The following DLC1 variants were observed in gnomAD, a reference collection of about 807,000 sequenced individuals.
DLC1 encodes the protein rho GTPase-activating protein 7.
Under a neutral mutation model 140.3 loss-of-function variants are expected in DLC1, and 54 were observed. The observed-to-expected ratio is 0.38, with a 90% CI of 0.31 to 0.48. The LOEUF (loss-of-function observed/expected upper bound fraction) is 0.48, where lower values mean the gene tolerates loss of function less well. Ranked by LOEUF, DLC1 falls within the 20% of genes least tolerant of loss-of-function variation. The probability of loss-of-function intolerance (pLI) is 0.96; values close to 1 mark genes in which losing one functional copy is unlikely to be tolerated. For synonymous variants in DLC1, 986 were observed against 728.1 expected, an observed-to-expected ratio of 1.35 and a Z score of -5.70; for missense variants, 2,536 against 1,907.0, an observed-to-expected ratio of 1.33 and a Z score of -6.14.
intron 4 of DLC1, among the ~76,000 whole-genome samples, chr8:13,356,759 C>T (rs1834958976): frequency 6.6e-6 from 1 of 152,170 alleles, no homozygotes; most frequent in African/African-American, 2.4e-5. Flanking sequence ...TAATAAATTA[C>T]ACATCAATAA....
At chr8:13,281,324 C>T (rs563967727) in intron 5 of DLC1, among the ~76,000 whole-genome samples, 38 of 152,276 alleles carry the variant, frequency 2.5e-4, no homozygotes, top group African/African-American at 8.9e-4. Context: ...AGGGTCAAAT[C>T]AAGGTGGCTT....
At chr8:13,280,836 T>C (rs1831340528) in intron 5 of DLC1, among the ~76,000 whole-genome samples, 1 of 152,218 alleles carries the variant, frequency 6.6e-6, no homozygotes, top group Non-Finnish European at 1.5e-5. Flanking sequence ...TAAGAGTTAA[T>C]ACCGTGTTTG....
At chr8:13,102,909 G>C in intron 7 of DLC1, 56 bp from the exon 8 acceptor site, 1 of 1,418,704 alleles carries the variant, frequency 7.0e-7, no homozygotes, top group Non-Finnish European at 9.9e-7. Context: ...CTAATGAGTG[G>C]ATAAACACCT....
At chr8:13,460,481 A>C (rs139403278) in intron 2 of DLC1, among the ~76,000 whole-genome samples, 1 of 152,344 alleles carries the variant, frequency 6.6e-6, no homozygotes, top group African/African-American at 2.4e-5. Context: ...AAGGCAAATA[A>C]AAATCCATCT....
intron 4 of DLC1, among the ~76,000 whole-genome samples, chr8:13,380,096 C>A (rs66757903): frequency 6.6e-6 from 1 of 152,002 alleles, no homozygotes; most frequent in Non-Finnish European, 1.5e-5. Context: ...TCCTCACCAC[C>A]ACTCCCATAA....
intron 5 of DLC1, among the ~76,000 whole-genome samples, chr8:13,238,348 C>A (rs2117229110): frequency 6.6e-6 from 1 of 152,056 alleles, no homozygotes; most frequent in African/African-American, 2.4e-5. Context: ...CCCGTCTCTA[C>A]AAATAAACAC....
intron 7 of DLC1, among the ~76,000 whole-genome samples, chr8:13,108,133 G>A (rs889949886): frequency 1.1e-4 from 16 of 152,126 alleles, no homozygotes; most frequent in Admixed American, 6.6e-4. Context: ...TAGGCCTCTC[G>A]AAAGGGGCAT....
At chr8:13,479,949 C>A (rs1051787143) in intron 2 of DLC1, among the ~76,000 whole-genome samples, 5 of 96,774 alleles carry the variant, frequency 5.2e-5, no homozygotes, top group African/African-American at 1.7e-4. Context: ...GTCTGTAGGC[C>A]CAGACACTTC....
At chr8:13,111,585 A>G (rs1820116217) in intron 6 of DLC1, among the ~76,000 whole-genome samples, 1 of 152,208 alleles carries the variant, frequency 6.6e-6, no homozygotes, top group Non-Finnish European at 1.5e-5. Context: ...CTACATAAAA[A>G]GATCCCTTGG....
chr8:13,228,081 T>A (rs140304809), intron 5 of DLC1, among the ~76,000 whole-genome samples: 68 of 152,296 alleles, frequency 4.5e-4, no homozygotes, highest in East Asian at 1.2e-3. Flanking sequence ...CAGGGTATCC[T>A]GTAAACTGTA....
intron 2 of DLC1, among the ~76,000 whole-genome samples, chr8:13,461,819 G>A (rs79694253): frequency 0.067 from 10,148 of 152,046 alleles, 583 homozygotes; most frequent in African/African-American, 0.16. Flanking sequence ...GATGCTCTTC[G>A]TTACCCCGTA....
At position 13,094,928 on chromosome 8, in the gene DLC1, C is replaced by A; in HGVS notation, c.3357G>T (p.Lys1119Asn). The A allele has an allele frequency of 6.2e-7, 1 of 1,614,208 alleles. No individual in the cohort carries two copies. The highest frequency in any genetic ancestry group is 8.5e-7 in the Non-Finnish European group (1 of 1,180,028). Reference sequence around the variant, plus strand: ...TCTGGCGCAGAGCCTGAATCCGGGACTTGACCCCCGATTTTCTGAAGAGCC... The same window carrying A: ...TCTGGCGCAGAGCCTGAATCCGGGAATTGACCCCCGATTTTCTGAAGAGCC... ...QVGLFRKSGVKSRIQALRQMN... is the reference protein window; with the variant it reads ...QVGLFRKSGVNSRIQALRQMN... The change falls in exon 12 of 18, where the codon AAG becomes AAT. Residue 1119 changes from lysine to asparagine, a missense_variant. Coordinates refer to ENST00000276297, the MANE Select transcript of DLC1 (RefSeq NM_182643.3).
At chr8:13,573,171 T>C (rs1490426880) in intron 1 of DLC1, among the ~76,000 whole-genome samples, 1 of 152,230 alleles carries the variant, frequency 6.6e-6, no homozygotes, top group Admixed American at 6.5e-5. Flanking sequence ...CCATGTAAGT[T>C]TTGTGCCTCC....
chr8:13,283,666 C>T (rs532623292), intron 5 of DLC1, among the ~76,000 whole-genome samples: 1 of 152,278 alleles, frequency 6.6e-6, no homozygotes, highest in African/African-American at 2.4e-5. Flanking sequence ...AGGCGCACAC[C>T]ACTATGCCTG....
intron 1 of DLC1, among the ~76,000 whole-genome samples, chr8:13,600,307 A>G (rs912256077): frequency 1.3e-5 from 2 of 151,928 alleles, no homozygotes; most frequent in Non-Finnish European, 2.9e-5. Context: ...AACTTTAAGT[A>G]AGAAGAGACC....
intron 5 of DLC1, among the ~76,000 whole-genome samples, chr8:13,150,700 G>A (rs979177362): frequency 6.6e-6 from 1 of 152,170 alleles, no homozygotes; most frequent in Non-Finnish European, 1.5e-5. Flanking sequence ...AACTCTAAAG[G>A]ACCCGTGCTT....
intron 1 of DLC1, among the ~76,000 whole-genome samples, chr8:13,550,984 C>T (rs1473657938): frequency 1.3e-5 from 2 of 151,172 alleles, no homozygotes; most frequent in African/African-American, 4.9e-5. Flanking sequence ...TGAGTTTACT[C>T]TACCAATGTG....
intron 4 of DLC1, among the ~76,000 whole-genome samples, chr8:13,375,451 CA>C (rs1232593621): frequency 6.6e-6 from 1 of 152,206 alleles, no homozygotes; most frequent in African/African-American, 2.4e-5. Context: ...ATGTCATCTG[CA>C]AACAGGGACA....
intron 5 of DLC1, among the ~76,000 whole-genome samples, chr8:13,284,452 G>A (rs536457475): frequency 2.0e-5 from 3 of 152,176 alleles, no homozygotes; most frequent in South Asian, 2.1e-4. Context: ...GCTTAAACCC[G>A]GGAGGCAGAA....
Sources: allele counts gnomAD v4.1 joint callset (sites outside exome capture counted in the v4.1 genomes callset), GRCh38; gene constraint gnomAD v4.1.1; transcripts MANE v1.5; gene names NCBI Gene and HGNC (gene_info 2026-07-23, HGNC 2026-07-21).